The following DDB2 variants were observed in gnomAD, a reference collection of about 807,000 sequenced individuals.
DDB2 encodes damage specific DNA binding protein 2, also known as DNA damage-binding protein 2.
Under a neutral mutation model 50.5 loss-of-function variants are expected in DDB2, and 27 were observed. The ratio of observed to expected loss-of-function variants is 0.53; its 90% confidence interval spans 0.39 to 0.74. The LOEUF (loss-of-function observed/expected upper bound fraction) is 0.74, where lower values mean the gene tolerates loss of function less well. Among genes scored for constraint, DDB2 ranks in the 30% least tolerant of loss-of-function variants. The pLI is 0.00. For missense variants in DDB2, 424 were observed against 545.6 expected (o/e 0.78, Z 2.22); for synonymous variants, 176 against 205.5 (o/e 0.86, Z 1.23).
chr11:47,221,114 G>A (rs1953478883), intron 3 of DDB2, among the ~76,000 whole-genome samples: 1 of 151,968 alleles, frequency 6.6e-6, no homozygotes. Flanking sequence ...AGTGAGCTGA[G>A]ATGGTGCCAC....
rs763083097 is a variant in DDB2, at chr11:47,238,146, A to G, written c.1197A>G (p.Glu399=). The G allele has an allele frequency of 1.2e-6, 2 of 1,612,656 alleles. No individual in the cohort carries two copies. Among genetic ancestry groups the G allele is most frequent in the African/African-American group, 1.3e-5 (1 of 74,932 alleles). The change falls in exon 9 of 10, where the codon GAA becomes GAG. Residue 399 remains glutamate (E), a synonymous_variant. Coordinates refer to ENST00000256996, the MANE Select transcript of DDB2 (RefSeq NM_000107.3). ...PESSGISSLN[E]FNPMGDTLAS... Reference sequence around the variant, plus strand: ...CACTCTTGTCTCTGCAGCTTAATGAATTCAATCCCATGGGGGACACGCTGG... The same window carrying G: ...CACTCTTGTCTCTGCAGCTTAATGAGTTCAATCCCATGGGGGACACGCTGG...
Position 47,216,382 on chromosome 11 carries a change from T to C in DDB2, c.174T>C (p.Ala58=). 3 of 1,614,196 alleles carry C rather than the reference T, an allele frequency of 1.9e-6. No individual in the cohort carries two copies. Among genetic ancestry groups the C allele is most frequent in the African/African-American group, 1.3e-5 (1 of 75,056 alleles). The change falls in exon 2 of 10, where the codon GCT becomes GCC. Residue 58 remains alanine (A), a synonymous_variant. Coordinates refer to ENST00000256996, the MANE Select transcript of DDB2 (RefSeq NM_000107.3). ...CDSDCLWVGL[A]GPQILPPCRS... is the part of the protein sequence containing the mutation. Reference sequence around the variant, plus strand: ...CAGACTGCCTCTGGGTGGGGCTGGCTGGCCCACAGATCCTGCCACCATGCC... The same window carrying C: ...CAGACTGCCTCTGGGTGGGGCTGGCCGGCCCACAGATCCTGCCACCATGCC...
Position 47,235,037 on chromosome 11 carries a change from G to A in DDB2, c.880+103G>A, listed in dbSNP as rs774149328. Reference sequence around the variant, plus strand: ...GCCACTACGTCAAACCTTTACCCCTGATAGCGTCTGCCAAGCTGATGTCTG... The same window carrying A: ...GCCACTACGTCAAACCTTTACCCCTAATAGCGTCTGCCAAGCTGATGTCTG... On this transcript the variant is annotated intron_variant, in intron 6 of 9. Transcript: ENST00000256996. 3.9e-5 allele frequency: 55 copies of A among 1,396,658 alleles called. 1 individual carries two copies. The highest frequency in any genetic ancestry group is 3.4e-4 in the Admixed American group (18 of 53,328). 86.5% of individuals were successfully genotyped at this position (1,396,658 alleles called of 1,614,324 possible). A position where few individuals can be genotyped will look rare whatever the true frequency, so the allele number is the denominator to read the frequency against.
chr11:47,233,274 A>G (rs1294021373), intron 4 of DDB2: 33 of 422,402 alleles, frequency 7.8e-5, no homozygotes, highest in South Asian at 6.5e-4. Flanking sequence ...AGAATGGAGC[A>G]ACAGCTCAGA....
intron 3 of DDB2, among the ~76,000 whole-genome samples, chr11:47,225,271 A>C (rs576108980): frequency 1.2e-3 from 169 of 138,838 alleles, no homozygotes; most frequent in Non-Finnish European, 2.2e-3. Context: ...AAAAAAAAAA[A>C]CTCTAACAAG....
intron 3 of DDB2, among the ~76,000 whole-genome samples, chr11:47,224,118 G>A (rs1953525228): frequency 1.3e-5 from 2 of 152,140 alleles, no homozygotes; most frequent in Admixed American, 6.6e-5. Flanking sequence ...ACATCCTGAT[G>A]AGAAGTCTGC....
chr11:47,227,452 C>A (rs2135500340), intron 3 of DDB2, among the ~76,000 whole-genome samples: 1 of 151,936 alleles, frequency 6.6e-6, no homozygotes, highest in South Asian at 2.1e-4. Flanking sequence ...AATATCTTCT[C>A]CCACTTCATA....
chr11:47,222,140 C>G (rs553130633), intron 3 of DDB2, among the ~76,000 whole-genome samples: 4 of 152,146 alleles, frequency 2.6e-5, no homozygotes, highest in Admixed American at 1.3e-4. Context: ...TTATCTATGC[C>G]CCTTTGTAAT....
chr11:47,233,299 GC>G, intron 4 of DDB2: 1 of 393,026 alleles, frequency 2.5e-6, no homozygotes, highest in East Asian at 6.0e-5. Context: ...GAGACTGAAT[GC>G]CCTGCACTCA....
intron 1 of DDB2, 48 bp from the exon 2 acceptor site, chr11:47,216,288 A>C: frequency 2.5e-6 from 4 of 1,614,028 alleles, no homozygotes; most frequent in Non-Finnish European, 3.4e-6. Flanking sequence ...TCAGCAGAAA[A>C]ACCTTTCGTG....
intron 3 of DDB2, among the ~76,000 whole-genome samples, chr11:47,226,950 GACTT>G (rs769400592): frequency 1.3e-5 from 2 of 151,124 alleles, no homozygotes; most frequent in African/African-American, 4.9e-5. Flanking sequence ...TTACAGAAAG[GACTT>G]ACTAAGTTAA....
chr11:47,216,175 A>T, intron 1 of DDB2, 161 bp from the exon 2 acceptor site: 2 of 1,064,526 alleles, frequency 1.9e-6, no homozygotes, highest in Admixed American at 1.7e-5. Context: ...TCATTTTTTT[A>T]TTTCTGGTGC....
In DDB2 at chr11:47,216,578, T is replaced by C. The variant is rs1590988322; in HGVS notation, c.264+106T>C. On this transcript the variant is annotated intron_variant, in intron 2 of 9. Transcript: ENST00000256996. ...TTGGTTCACCAGCTTGTCAGAGTGG[T>C]CCGATCACCCAGACTGTGGTGACTG... The C allele has an allele frequency of 8.6e-6, 13 of 1,517,434 alleles. No homozygotes were observed. In the South Asian group the frequency reaches 1.4e-4, roughly 16 times the overall value. The allele number at this position is 1,517,434 out of a possible 1,614,324, so 94.0% of individuals were successfully genotyped here. A position where few individuals can be genotyped will look rare whatever the true frequency, so the allele number is the denominator to read the frequency against.
intron 3 of DDB2, among the ~76,000 whole-genome samples, chr11:47,227,227 C>T (rs1016005919): frequency 6.8e-6 from 1 of 147,564 alleles, no homozygotes; most frequent in African/African-American, 2.5e-5. Context: ...CTGCTTCAGC[C>T]TCCTGAGTAG....
chr11:47,235,171 G>A (rs1953707081), intron 6 of DDB2, 99 bp from the exon 7 acceptor site: 1 of 1,520,544 alleles, frequency 6.6e-7, no homozygotes, highest in African/African-American at 1.4e-5. Flanking sequence ...TGTCTAGAGA[G>A]GAGTGGGAGG....
rs200406558 is a variant in DDB2 at position 47,232,934 on chromosome 11, G to A, written c.577G>A (p.Val193Ile). The A allele has an allele frequency of 2.4e-4, 382 of 1,614,194 alleles. 4 individuals are homozygous for A. In the South Asian group the frequency reaches 3.9e-3, roughly 17 times the overall value. Residue 193 changes from valine (V) to isoleucine (I), a missense_variant, in exon 4 of 10, where the codon GTT (valine) becomes ATT (isoleucine). Transcript: ENST00000256996. ...AGACTTTAAAGGCAACATTCTACGA[G>A]TTTTTGCCAGCTCAGACACCATCAA... ...LQDFKGNILR[V>I]FASSDTINIW... is the part of the protein sequence containing the mutation.
chr11:47,233,177 G>GTCATACCTGTATTCC lies in DDB2; in HGVS notation c.602+218_602+219insTCATACCTGTATTCC. The GTCATACCTGTATTCC allele has an allele frequency of 4.9e-6, 3 of 612,196 alleles. No homozygotes were observed. The South Asian group carries it at 5.3e-5, about 11-fold the overall frequency. The allele number at this position is 612,196 out of a possible 1,614,324, so 37.9% of individuals were successfully genotyped here. A position where few individuals can be genotyped will look rare whatever the true frequency, so the allele number is the denominator to read the frequency against. ...TTTGGGAAGGTGTTCTGGAGCCTCA[G>GTCATACCTGTATTCC]CTCTTCTGTAAGTCATACCTGTATT... On this transcript the variant is annotated intron_variant, in intron 4 of 9. Coordinates refer to ENST00000256996, the MANE Select transcript of DDB2 (RefSeq NM_000107.3).
chr11:47,219,905 A>T (rs1565151345), intron 3 of DDB2, among the ~76,000 whole-genome samples: 1 of 152,262 alleles, frequency 6.6e-6, no homozygotes, highest in East Asian at 1.9e-4. Flanking sequence ...CTCCTGCCTC[A>T]GCCTCCGAAG....
chr11:47,219,723 A>G (rs1379658526), intron 3 of DDB2, among the ~76,000 whole-genome samples: 2 of 151,988 alleles, frequency 1.3e-5, no homozygotes, highest in East Asian at 1.9e-4. Flanking sequence ...TCAGTCCACT[A>G]TTTTTCTAGC....
Sources: gnomAD v4.1 joint callset for allele counts (sites outside exome capture counted in the v4.1 genomes callset) on GRCh38, gnomAD v4.1.1 for gene constraint, MANE v1.5 for transcripts, NCBI Gene and HGNC (gene_info 2026-07-23, HGNC 2026-07-21) for gene names.